The following SHANK1 variants were observed in gnomAD, a reference collection of about 807,000 sequenced individuals.
The protein encoded by SHANK1 is SH3 and multiple ankyrin repeat domains 1, also known as SH3 and multiple ankyrin repeat domains protein 1.
SHANK1 carries 35 observed loss-of-function variants against 165.6 expected under a neutral mutation model. That is an observed-to-expected ratio of 0.21 (90% CI 0.16 to 0.28). SHANK1 has a LOEUF of 0.28. Ranked by LOEUF, SHANK1 falls within the 10% of genes least tolerant of loss-of-function variation. The pLI, the probability that SHANK1 is intolerant of heterozygous loss-of-function variation, is 1.00. For missense variants in SHANK1, 2,681 were observed against 3,036.4 expected, an observed-to-expected ratio of 0.88 and a Z score of 2.75; for synonymous variants, 1,428 against 1,384.8, an observed-to-expected ratio of 1.03 and a Z score of -0.69.
At chr19:50,701,758 C>T (rs994941261) in intron 12 of SHANK1, among the ~76,000 whole-genome samples, 2 of 152,126 alleles carry the variant, frequency 1.3e-5, no homozygotes, top group South Asian at 2.1e-4. Context: ...CTCGTATTAA[C>T]GGCCACACCT....
rs1303669141 is a variant in SHANK1 at position 50,697,074 on chromosome 19, C to T, written c.1964+22G>A. On this transcript the variant is annotated intron_variant, in intron 15 of 23. Transcript: ENST00000293441. This position sits in a 1 kb window ranked among gnomAD's most constrained non-coding sequence, Gnocchi z 4.7. ...GTCCTTCCCCTCCTGACCCCATCCC[C>T]TCCCTGCCCCTCGCCTCTCACCTCC... 7 of 1,608,016 alleles carry T rather than the reference C, an allele frequency of 4.4e-6. No individual in the cohort carries two copies. Among genetic ancestry groups the T allele is most frequent in the Non-Finnish European group, 6.0e-6 (7 of 1,174,916 alleles).
intron 12 of SHANK1, 56 bp from the exon 13 acceptor site, chr19:50,698,012 C>T: frequency 8.2e-7 from 1 of 1,226,406 alleles, no homozygotes. Flanking sequence ...TGCCCCTCAA[C>T]TGCCAACACA....
In SHANK1 at chr19:50,686,162, G is replaced by T; in HGVS notation, c.2577+75C>A. On this transcript the variant is annotated intron_variant, in intron 21 of 23. Coordinates refer to ENST00000293441, the MANE Select transcript of SHANK1 (RefSeq NM_016148.5). This position sits in a 1 kb window ranked among gnomAD's most constrained non-coding sequence, Gnocchi z 5.7. ...AGCACAGAGGCGTCAGGAGGGTTTT[G>T]GAAAGAGAAAGGCTCCAGGTTGGTG... 1.2e-6 allele frequency: 1 copy of T among 838,416 alleles called. No homozygotes were observed. The highest frequency in any genetic ancestry group is 1.9e-6 in the Non-Finnish European group (1 of 532,346). The allele number at this position is 838,416 out of a possible 1,614,324, so 51.9% of individuals were successfully genotyped here.
Position 50,702,019 on chromosome 19 carries a change from G to A in SHANK1, c.1747+448C>T, listed in dbSNP as rs1986931845. ...CTCAGTTGAGGACCCCTGGACAGAT[G>A]CAGGAGGCAAAGTTAAGGCTGCTCG... On this transcript the variant is annotated intron_variant, in intron 12 of 23. Transcript: ENST00000293441. This position sits in a 1 kb window ranked among gnomAD's most constrained non-coding sequence, Gnocchi z 5.3. Among the ~76,000 whole-genome samples, 1 of 152,214 alleles carries A rather than the reference G, an allele frequency of 6.6e-6. No individual in the cohort carries two copies. Among genetic ancestry groups the A allele is most frequent in the Non-Finnish European group, 1.5e-5 (1 of 68,034 alleles).
Position 50,686,255 on chromosome 19 carries a change from T to C in SHANK1, c.2559A>G (p.Lys853=). Reference sequence around the variant, plus strand: ...CGCCTACCTCAGTGGCAAAGAAACCTTTGGGTCGGTGTTTGCCCAGGGACG... The same window carrying C: ...CGCCTACCTCAGTGGCAAAGAAACCCTTGGGTCGGTGTTTGCCCAGGGACG... The part of the protein sequence containing the change: ...GLASLGKHRP[K]GFFATESSFD... The change falls in exon 21 of 24, where the codon AAA becomes AAG. Residue 853 remains lysine, a synonymous_variant. Coordinates refer to ENST00000293441, the MANE Select transcript of SHANK1 (RefSeq NM_016148.5). The surrounding 1 kb of genome is among the most constrained non-coding windows in gnomAD (Gnocchi z 5.7). The C allele has an allele frequency of 6.2e-7, 1 of 1,602,308 alleles. No individual in the cohort carries two copies. Among genetic ancestry groups the C allele is most frequent in the Non-Finnish European group, 8.5e-7 (1 of 1,173,618 alleles).
chr19:50,689,518 G>A, intron 15 of SHANK1: 1 of 653,778 alleles, frequency 1.5e-6, no homozygotes, highest in Non-Finnish European at 2.7e-6. Flanking sequence ...ATCCATCCAT[G>A]CATCCATCCA....
intron 21 of SHANK1, among the ~76,000 whole-genome samples, chr19:50,684,973 T>C (rs1378977814): frequency 6.6e-6 from 1 of 152,268 alleles, no homozygotes; most frequent in African/African-American, 2.4e-5. Context: ...ATAAGCATTA[T>C]TCTGAGAAGG....
At chr19:50,692,862 C>A in intron 15 of SHANK1, among the ~76,000 whole-genome samples, 1 of 146,848 alleles carries the variant, frequency 6.8e-6, no homozygotes, top group Non-Finnish European at 1.5e-5. Context: ...GAGCCATCCC[C>A]CCATTTCCCG....
chr19:50,669,310 A>AG, intron 22 of SHANK1, 25 bp from the exon 23 acceptor site: 8 of 1,547,884 alleles, frequency 5.2e-6, no homozygotes, highest in Non-Finnish European at 7.1e-6. Flanking sequence ...AGGCTCAAGG[A>AG]GGGGGACCCT....
rs951056912 is a variant in SHANK1 at position 50,661,553 on chromosome 19, A to G, written c.*412T>C. 1.3e-5 allele frequency among the ~76,000 whole-genome samples: 2 copies of G among 151,526 alleles called. No individual in the cohort carries two copies. The highest frequency in any genetic ancestry group is 2.9e-5 in the Non-Finnish European group (2 of 67,850). On this transcript the variant is annotated 3_prime_UTR_variant, in exon 24 of 24. Transcript: ENST00000293441. ...CCTGGAGAGAGTGGGAAGGGTTGTT[A>G]GAGGGGTGGCAGGTGGTGGAATCCG... is the stretch of plus-strand genomic sequence containing the variant.
At position 50,716,043 on chromosome 19, in the gene SHANK1, G is replaced by C. The variant is rs1215984019; in HGVS notation, c.459+232C>G. 6.6e-6 allele frequency among the ~76,000 whole-genome samples: 1 copy of C among 152,204 alleles called. No homozygotes were observed. The highest frequency in any genetic ancestry group is 1.9e-4 in the East Asian group (1 of 5,194). ...CCTCCCCCAATTTGATGGGTGAGGA[G>C]AAGCTTGGGGCAGGAAAGTGACTTG... On this transcript the variant is annotated intron_variant, in intron 3 of 23. Coordinates refer to ENST00000293441, the MANE Select transcript of SHANK1 (RefSeq NM_016148.5). The surrounding 1 kb of genome is among the most constrained non-coding windows in gnomAD (Gnocchi z 8.4).
In SHANK1 at chr19:50,686,691, G is replaced by C. The variant is rs1356877249; in HGVS notation, c.2458+53C>G. 3.9e-6 allele frequency: 6 copies of C among 1,539,218 alleles called. No individual in the cohort carries two copies. The African/African-American group carries it at 6.8e-5, about 18-fold the overall frequency. On this transcript the variant is annotated intron_variant, in intron 20 of 23. Transcript: ENST00000293441. This position sits in a 1 kb window ranked among gnomAD's most constrained non-coding sequence, Gnocchi z 5.7. ...GTTCATGGTGGGACAGGGATGCAGC[G>C]GGTGCCGGGGCTGGGGCCCGGCATC...
At chr19:50,707,621 C>T (rs369798193) in intron 8 of SHANK1, among the ~76,000 whole-genome samples, 151 of 150,426 alleles carry the variant, frequency 1.0e-3, no homozygotes, top group African/African-American at 3.5e-3. Flanking sequence ...AGTGCAGTGG[C>T]GTGATCTCGG....
At chr19:50,679,876 G>T (rs943821281) in intron 21 of SHANK1, among the ~76,000 whole-genome samples, 13 of 151,440 alleles carry the variant, frequency 8.6e-5, no homozygotes, top group African/African-American at 3.2e-4. Context: ...ACAGACAAAG[G>T]CAAAGATGGG....
chr19:50,676,857 G>GT (rs1986000434), intron 21 of SHANK1, among the ~76,000 whole-genome samples: 2 of 152,216 alleles, frequency 1.3e-5, no homozygotes, highest in African/African-American at 4.8e-5. Flanking sequence ...GGATGCCCAA[G>GT]TGGGAGTGTT....
rs757732528 is a variant in SHANK1, at chr19:50,666,296, G to A, written c.5664C>T (p.Gly1888=). The change falls in exon 23 of 24, where the codon GGC becomes GGT. Residue 1888 remains glycine (G), a synonymous_variant. Coordinates refer to ENST00000293441, the MANE Select transcript of SHANK1 (RefSeq NM_016148.5). The stretch of plus-strand genomic sequence containing the variant: ...CTCCTCGGGCCCAGGGCAGAGCGCC[G>A]CCAGCTGCCGAGGAGCCCCCAAACT... The part of the protein sequence containing the change: ...LQQFGGSSAA[G]GALPWARGGS... 8.1e-6 allele frequency: 13 copies of A among 1,612,200 alleles called. No individual in the cohort carries two copies. The highest frequency in any genetic ancestry group is 1.7e-5 in the Admixed American group (1 of 59,834).
chr19:50,675,800 G>A lies in SHANK1; in HGVS notation c.2578-3686C>T, dbSNP rs374543479. ...GTGGATCATTTGAGGTCAGGAGTTT[G>A]AGACCAGCCTGACCAACATGGTGAA... On this transcript the variant is annotated intron_variant, in intron 21 of 23. Coordinates refer to ENST00000293441, the MANE Select transcript of SHANK1 (RefSeq NM_016148.5). Among the ~76,000 whole-genome samples the A allele has an allele frequency of 4.6e-5, 7 of 152,214 alleles. No homozygotes were observed. In the East Asian group the frequency reaches 5.8e-4, roughly 13 times the overall value.
intron 8 of SHANK1, among the ~76,000 whole-genome samples, chr19:50,706,200 G>A (rs1408941171): frequency 6.6e-6 from 1 of 152,012 alleles, no homozygotes; most frequent in East Asian, 1.9e-4. Context: ...TCACACAGCT[G>A]GTGATTATCA....
Position 50,667,506 on chromosome 19 carries a change from G to C in SHANK1, c.4454C>G (p.Pro1485Arg), listed in dbSNP as rs768562799. 6.6e-7 allele frequency: 1 copy of C among 1,522,120 alleles called. No individual in the cohort carries two copies. The highest frequency in any genetic ancestry group is 2.2e-5 in the Admixed American group (1 of 46,402). The allele number at this position is 1,522,120 out of a possible 1,614,324, so 94.3% of individuals were successfully genotyped here. Residue 1485 changes from proline to arginine, a missense_variant, in exon 23 of 24, where the codon CCC becomes CGC. By Grantham distance (103) the Pro-to-Arg change is moderately radical. Transcript: ENST00000293441. This position sits in a 1 kb window ranked among gnomAD's most constrained non-coding sequence, Gnocchi z 5.7. The stretch of plus-strand genomic sequence containing the variant: ...CCGCACGTGCAGCGGCAGCCGCTCG[G>C]GTTCTTCGGGGGCTGCGGACCTCCA... ...KPWRSAAPEE[P>R]ERLPLHVRFL...
Sources: gnomAD v4.1 joint callset for allele counts (sites outside exome capture counted in the v4.1 genomes callset) on GRCh38, gnomAD v4.1.1 for gene constraint, Gnocchi (gnomAD v3.1) non-coding constraint, MANE v1.5 for transcripts, NCBI Gene and HGNC (gene_info 2026-07-23, HGNC 2026-07-21) for gene names.